Variants in CNOT6 observed in about 807,000 individuals in gnomAD.
The protein encoded by CNOT6 is carbon catabolite repression 4 protein.
Under a neutral mutation model 61.2 loss-of-function variants are expected in CNOT6, and 12 were observed. That is an observed-to-expected ratio of 0.20 (90% CI 0.13 to 0.32). The LOEUF is 0.32. Ranked by LOEUF, CNOT6 falls within the 10% of genes least tolerant of loss-of-function variation. The pLI is 1.00. For missense variants in CNOT6, 405 were observed against 663.9 expected, an observed-to-expected ratio of 0.61 and a Z score of 4.28; for synonymous variants, 225 against 240.6, an observed-to-expected ratio of 0.94 and a Z score of 0.60.
chr5:180,553,676 GGA>G lies in CNOT6; in HGVS notation c.385+206_385+207del, dbSNP rs577427342. Among the ~76,000 whole-genome samples the G allele has an allele frequency of 2.2e-4, 33 of 151,082 alleles. No individual in the cohort carries two copies. The East Asian group carries it at 4.5e-3, about 20-fold the overall frequency. On this transcript the variant is annotated intron_variant, in intron 4 of 11. Coordinates refer to ENST00000261951, the MANE Select transcript of CNOT6 (RefSeq NM_001370472.1). ...TCTTTGTTTTCTTTTTTTTTGCTCC[GGA>G]CCCAGCCCTTCTTTTCTAGCCTCTG...
chr5:180,549,604 A>C (rs1581541140), intron 2 of CNOT6, among the ~76,000 whole-genome samples: 1 of 151,952 alleles, frequency 6.6e-6, no homozygotes, highest in African/African-American at 2.4e-5. Flanking sequence ...AGCCCAGATC[A>C]CGCCACTGCA....
rs112708141 is a variant in CNOT6, at chr5:180,533,034, T to C, written c.112+3646T>C. ...GGGTTTTTATGGAGGCTTCATTACA[T>C]AGGCATGGTTGACAGCTGTAGAAAT... On this transcript the variant is annotated intron_variant, in intron 2 of 11. Coordinates refer to ENST00000261951, the MANE Select transcript of CNOT6 (RefSeq NM_001370472.1). 5.6e-3 allele frequency among the ~76,000 whole-genome samples: 851 copies of C among 152,242 alleles called. 8 individuals are homozygous for C. Among genetic ancestry groups the C allele is most frequent in the African/African-American group, 0.02 (821 of 41,538 alleles).
chr5:180,503,383 C>G (rs1259975774), intron 1 of CNOT6, among the ~76,000 whole-genome samples: 2 of 151,658 alleles, frequency 1.3e-5, no homozygotes, highest in African/African-American at 4.8e-5. Flanking sequence ...CCAGCCTCAG[C>G]TTCCCGAGCA....
intron 1 of CNOT6, among the ~76,000 whole-genome samples, chr5:180,505,277 A>C (rs1757078344): frequency 1.6e-5 from 1 of 63,640 alleles, no homozygotes; most frequent in Non-Finnish European, 3.0e-5. Flanking sequence ...TTTTTTTGAG[A>C]CGGAGTCTGG....
intron 1 of CNOT6, among the ~76,000 whole-genome samples, chr5:180,518,935 A>G (rs1296037059): frequency 6.6e-6 from 1 of 152,062 alleles, no homozygotes; most frequent in African/African-American, 2.4e-5. Flanking sequence ...CTGGTTTCGA[A>G]CTCCTGGGCT....
intron 1 of CNOT6, among the ~76,000 whole-genome samples, chr5:180,497,593 A>G: frequency 6.6e-6 from 1 of 152,172 alleles, no homozygotes; most frequent in East Asian, 1.9e-4. Context: ...GCTTGAAAGC[A>G]TTTATTACTT....
intron 1 of CNOT6, among the ~76,000 whole-genome samples, chr5:180,501,608 G>C (rs1261181486): frequency 6.6e-6 from 1 of 152,170 alleles, no homozygotes; most frequent in Non-Finnish European, 1.5e-5. Flanking sequence ...ACAGAGGTAA[G>C]ATCTCCATTT....
intron 2 of CNOT6, among the ~76,000 whole-genome samples, chr5:180,532,911 GA>G (rs1363015612): frequency 6.6e-6 from 1 of 152,148 alleles, no homozygotes. Context: ...AGGTGTAGGG[GA>G]AAAAGTGCAG....
chr5:180,532,626 A>G (rs753906889), intron 2 of CNOT6, among the ~76,000 whole-genome samples: 1 of 152,156 alleles, frequency 6.6e-6, no homozygotes, highest in African/African-American at 2.4e-5. Context: ...GGTGCCCTCC[A>G]ATTCAATTCC....
intron 4 of CNOT6, among the ~76,000 whole-genome samples, chr5:180,560,142 TCA>T (rs1316325967): frequency 6.6e-6 from 1 of 152,032 alleles, no homozygotes; most frequent in East Asian, 1.9e-4. Context: ...AGACGAGGTT[TCA>T]CCATGTTGGT....
chr5:180,496,195 G>A (rs1756606642), intron 1 of CNOT6, among the ~76,000 whole-genome samples: 1 of 152,172 alleles, frequency 6.6e-6, no homozygotes, highest in Non-Finnish European at 1.5e-5. Flanking sequence ...GAGCCAACAT[G>A]CCTGGCCATC....
rs771272017 is a variant in CNOT6, at chr5:180,553,414, C to A, written c.328C>A (p.Arg110=). ...GCTCCATTTAAATAACAACCTGTTACGAGTTCTACCTTTTGAGCTGGGAAA... is the reference window on the plus strand; with the variant it reads ...GCTCCATTTAAATAACAACCTGTTAAGAGTTCTACCTTTTGAGCTGGGAAA... ...RELHLNNNLL[R]VLPFELGKLF... The change falls in exon 4 of 12, where the codon CGA becomes AGA. Residue 110 remains arginine, a synonymous_variant. Coordinates refer to ENST00000261951, the MANE Select transcript of CNOT6 (RefSeq NM_001370472.1). 1 of 1,613,846 alleles carries A rather than the reference C, an allele frequency of 6.2e-7. No homozygotes were observed. The highest frequency in any genetic ancestry group is 1.1e-5 in the South Asian group (1 of 91,042).
chr5:180,520,614 C>G (rs1757838643), intron 1 of CNOT6, among the ~76,000 whole-genome samples: 1 of 151,966 alleles, frequency 6.6e-6, no homozygotes, highest in Non-Finnish European at 1.5e-5. Context: ...TGTACTCCAG[C>G]CTGGCGACAG....
intron 6 of CNOT6, among the ~76,000 whole-genome samples, chr5:180,565,415 A>G (rs1277770967): frequency 6.6e-6 from 1 of 152,218 alleles, no homozygotes; most frequent in Non-Finnish European, 1.5e-5. Context: ...TGAATTAACA[A>G]TAGTTGTGCT....
At chr5:180,561,229 G>C (rs897271593) in intron 4 of CNOT6, among the ~76,000 whole-genome samples, 9 of 152,126 alleles carry the variant, frequency 5.9e-5, no homozygotes, top group African/African-American at 2.2e-4. Flanking sequence ...TGGGATTATA[G>C]GCATGAGCCA....
chr5:180,513,619 G>A (rs1423289727), intron 1 of CNOT6, among the ~76,000 whole-genome samples: 4 of 151,628 alleles, frequency 2.6e-5, no homozygotes, highest in East Asian at 3.9e-4. Context: ...TGATCTACCC[G>A]CCTCCGCCTC....
At position 180,519,974 on chromosome 5, in the gene CNOT6, T is replaced by C. The variant is rs182163386; in HGVS notation, c.-2-9301T>C. 6.1e-3 allele frequency among the ~76,000 whole-genome samples: 934 copies of C among 152,134 alleles called. 4 individuals carry two copies. Among genetic ancestry groups the C allele is most frequent in the Middle Eastern group, 0.027 (8 of 294 alleles). On this transcript the variant is annotated intron_variant, in intron 1 of 11. Coordinates refer to ENST00000261951, the MANE Select transcript of CNOT6 (RefSeq NM_001370472.1). ...TTAGCCCCTTGAGTAGCTGGAATTA[T>C]AGGCATGTGCCACCACATCCAGCTA...
intron 1 of CNOT6, among the ~76,000 whole-genome samples, chr5:180,498,031 G>A (rs1292557585): frequency 2.1e-4 from 30 of 141,744 alleles, no homozygotes; most frequent in African/African-American, 7.8e-4. Flanking sequence ...CAAAAAGAGT[G>A]AAACTCCATC....
rs566235906 is a variant in CNOT6 at position 180,539,160 on chromosome 5, C to T, written c.112+9772C>T. Among the ~76,000 whole-genome samples, 34 of 127,084 alleles carry T rather than the reference C, an allele frequency of 2.7e-4. No individual in the cohort carries two copies. In the Admixed American group the frequency reaches 2.7e-3, roughly 10 times the overall value. The allele number at this position is 127,084 out of a possible 152,430, so 83.4% of individuals were successfully genotyped here. A position where few individuals can be genotyped will look rare whatever the true frequency, so the allele number is the denominator to read the frequency against. On this transcript the variant is annotated intron_variant, in intron 2 of 11. Transcript: ENST00000261951. ...ACTGCACTCTAGCCTAGCAACAGAG[C>T]GAGACTCCATCTCAAAAAAAAAAAA... is the stretch of plus-strand genomic sequence containing the variant.
Sources: gnomAD v4.1 joint callset for allele counts (sites outside exome capture counted in the v4.1 genomes callset) on GRCh38, gnomAD v4.1.1 for gene constraint, MANE v1.5 for transcripts, NCBI Gene and HGNC (gene_info 2026-07-23, HGNC 2026-07-21) for gene names.